Variants in LRMDA observed in about 807,000 individuals in gnomAD.
LRMDA encodes leucine rich melanocyte differentiation associated.
In LRMDA, 18 loss-of-function variants were observed where a neutral mutation model predicts 29.8. The ratio of observed to expected loss-of-function variants is 0.60; its 90% CI spans 0.42 to 0.90. The LOEUF (loss-of-function observed/expected upper bound fraction) is 0.90. Ranked by LOEUF, LRMDA falls within the 40% of genes least tolerant of loss-of-function variation. The pLI is 0.00. For synonymous variants in LRMDA, 125 were observed against 109.4 expected, an observed-to-expected ratio of 1.14 and a Z score of -0.89; for missense variants, 273 against 273.9, an observed-to-expected ratio of 1.00 and a Z score of 0.02.
At chr10:75,973,782 CT>C (rs1450740991) in intron 2 of LRMDA, among the ~76,000 whole-genome samples, 1 of 152,024 alleles carries the variant, frequency 6.6e-6, no homozygotes, top group Non-Finnish European at 1.5e-5. Flanking sequence ...AGCACCGTGA[CT>C]TGGGGGCGGT....
At chr10:75,885,390 G>A (rs968092502) in intron 2 of LRMDA, among the ~76,000 whole-genome samples, 3 of 152,148 alleles carry the variant, frequency 2.0e-5, no homozygotes, top group Non-Finnish European at 4.4e-5. Flanking sequence ...GTGACTTTGG[G>A]CAAGCCTCTT....
chr10:75,797,780 T>A (rs1474011243), intron 2 of LRMDA, among the ~76,000 whole-genome samples: 1 of 152,202 alleles, frequency 6.6e-6, no homozygotes, highest in Non-Finnish European at 1.5e-5. Flanking sequence ...ACATTTAGTT[T>A]GTTCATTTGT....
intron 2 of LRMDA, among the ~76,000 whole-genome samples, chr10:75,440,583 T>A (rs1844315016): frequency 6.6e-6 from 1 of 152,104 alleles, no homozygotes; most frequent in African/African-American, 2.4e-5. Context: ...TTGACCTTCT[T>A]TATTTACCTA....
intron 2 of LRMDA, among the ~76,000 whole-genome samples, chr10:75,781,488 A>T (rs1368844960): frequency 6.6e-6 from 1 of 152,262 alleles, no homozygotes; most frequent in Non-Finnish European, 1.5e-5. Context: ...AAAATGGGTT[A>T]GAGTATACCG....
intron 2 of LRMDA, among the ~76,000 whole-genome samples, chr10:75,471,168 T>C (rs182291606): frequency 6.6e-6 from 1 of 151,790 alleles, no homozygotes; most frequent in East Asian, 1.9e-4. Context: ...GTGGTAGTAA[T>C]AAACCACTTA....
At chr10:75,852,894 T>A (rs75325775) in intron 2 of LRMDA, among the ~76,000 whole-genome samples, 23 of 151,714 alleles carry the variant, frequency 1.5e-4, no homozygotes, top group African/African-American at 5.3e-4. Flanking sequence ...AGAGGATTAA[T>A]TCACAGTTCT....
intron 2 of LRMDA, among the ~76,000 whole-genome samples, chr10:75,703,995 G>A (rs770385531): frequency 1.3e-5 from 2 of 152,176 alleles, no homozygotes; most frequent in Non-Finnish European, 2.9e-5. Flanking sequence ...AAAATGTGCC[G>A]ACGCTTGCTA....
Position 76,183,171 on chromosome 10 carries a change from G to A in LRMDA, c.516+124388G>A, listed in dbSNP as rs150752899. On this transcript the variant is annotated intron_variant, in intron 5 of 6. Transcript: ENST00000611255. ...AAACTTACCTTCACCTCAGTTGTGT[G>A]CCTCACACTTACATCAGCTCAAATA... Among the ~76,000 whole-genome samples the A allele has an allele frequency of 2.9e-3, 434 of 152,278 alleles. 2 individuals carry two copies. Among genetic ancestry groups the A allele is most frequent in the African/African-American group, 9.6e-3 (400 of 41,546 alleles).
At chr10:76,398,831 G>A (rs1841817921) in intron 6 of LRMDA, among the ~76,000 whole-genome samples, 1 of 152,170 alleles carries the variant, frequency 6.6e-6, no homozygotes, top group Non-Finnish European at 1.5e-5. Context: ...GGGAGGCCAG[G>A]AGTTCCTTAT....
chr10:75,805,993 C>A (rs1443718976), intron 2 of LRMDA, among the ~76,000 whole-genome samples: 1 of 152,114 alleles, frequency 6.6e-6, no homozygotes, highest in African/African-American at 2.4e-5. Flanking sequence ...AGCATGACAT[C>A]TGACATCTGC....
intron 2 of LRMDA, among the ~76,000 whole-genome samples, chr10:75,996,641 G>T (rs562225216): frequency 6.6e-6 from 1 of 151,976 alleles, no homozygotes; most frequent in South Asian, 2.1e-4. Flanking sequence ...TTCAAAGCAT[G>T]TTGCATCTGT....
At chr10:76,261,474 G>A (rs1247476) in intron 5 of LRMDA, among the ~76,000 whole-genome samples, 78,503 of 151,144 alleles carry the variant, frequency 0.52, 20,454 homozygotes, top group South Asian at 0.64. Context: ...AAGGTGGAAG[G>A]CACTGGTTCT....
intron 2 of LRMDA, among the ~76,000 whole-genome samples, chr10:75,666,225 T>A (rs532463264): frequency 4.6e-5 from 7 of 152,216 alleles, no homozygotes; most frequent in African/African-American, 1.7e-4. Flanking sequence ...TGAAAAAATA[T>A]CTGAATTGCA....
intron 2 of LRMDA, among the ~76,000 whole-genome samples, chr10:75,438,791 G>A (rs753173944): frequency 6.6e-6 from 1 of 152,130 alleles, no homozygotes; most frequent in Non-Finnish European, 1.5e-5. Context: ...CATTTCTCAC[G>A]GATACCTGTG....
At position 76,451,473 on chromosome 10, in the gene LRMDA, G is replaced by A. The variant is rs141148174; in HGVS notation, c.602-105736G>A. ...GCCCGCCTCGGCCTCCCAAAGTGCT[G>A]GGATTACAGGCGTGAGCCACTGCAC... On this transcript the variant is annotated intron_variant, in intron 6 of 6. Coordinates refer to ENST00000611255, the MANE Select transcript of LRMDA (RefSeq NM_001305581.2). 4.0e-3 allele frequency among the ~76,000 whole-genome samples: 613 copies of A among 152,126 alleles called. 2 individuals are homozygous for A. The highest frequency in any genetic ancestry group is 0.014 in the African/African-American group (595 of 41,518).
chr10:76,165,949 T>G (rs1299956827), intron 5 of LRMDA, among the ~76,000 whole-genome samples: 1 of 152,106 alleles, frequency 6.6e-6, no homozygotes, highest in Non-Finnish European at 1.5e-5. Context: ...TTTGGGTAGG[T>G]TGGTGAACAA....
chr10:76,202,751 G>A (rs1280015686), intron 5 of LRMDA, among the ~76,000 whole-genome samples: 1 of 151,966 alleles, frequency 6.6e-6, no homozygotes, highest in Non-Finnish European at 1.5e-5. Flanking sequence ...AGGGGAACTT[G>A]ATGTGCAATC....
At chr10:75,706,732 C>A (rs1426387184) in intron 2 of LRMDA, among the ~76,000 whole-genome samples, 1 of 126,228 alleles carries the variant, frequency 7.9e-6, no homozygotes, top group African/African-American at 3.0e-5. Flanking sequence ...ATTGGTACCA[C>A]TTTTTTTTTT....
chr10:75,794,186 C>T (rs1843614599), intron 2 of LRMDA, among the ~76,000 whole-genome samples: 1 of 152,164 alleles, frequency 6.6e-6, no homozygotes, highest in South Asian at 2.1e-4. Context: ...GTAAAATTTA[C>T]ATAGAGTGAA....
Sources: gnomAD v4.1 joint callset for allele counts (sites outside exome capture counted in the v4.1 genomes callset) on GRCh38, gnomAD v4.1.1 for gene constraint, MANE v1.5 for transcripts, NCBI Gene and HGNC (gene_info 2026-07-23, HGNC 2026-07-21) for gene names.